The following PCBP3 variants were observed in gnomAD, a reference collection of about 807,000 sequenced individuals.
The protein encoded by PCBP3 is poly(rC) binding protein 3, also known as poly(rC)-binding protein 3.
Under a neutral mutation model 52.7 loss-of-function variants are expected in PCBP3, and 25 were observed. That is an observed-to-expected ratio of 0.47 (90% CI 0.35 to 0.66). The LOEUF is 0.66. PCBP3 is among the 30% of genes least tolerant of loss of function. The probability of loss-of-function intolerance (pLI) is 0.01; values close to 1 mark genes in which losing one functional copy is unlikely to be tolerated. For synonymous variants in PCBP3, 162 were observed against 183.0 expected (o/e 0.89, Z 0.93); for missense variants, 391 against 490.3 (o/e 0.80, Z 1.91).
intron 12 of PCBP3, chr21:45,914,252 C>G (rs1603501093): frequency 3.1e-6 from 2 of 649,922 alleles, no homozygotes; most frequent in Non-Finnish European, 5.0e-6. Context: ...TGTTCTCCCT[C>G]CCTGACCCGG....
At chr21:45,678,239 G>C (rs1432060379) in intron 2 of PCBP3, among the ~76,000 whole-genome samples, 1 of 151,648 alleles carries the variant, frequency 6.6e-6, no homozygotes, top group East Asian at 1.9e-4. Flanking sequence ...CTGGGAGGCG[G>C]AGCTTGCAGT....
At chr21:45,674,748 G>A (rs563142818) in intron 2 of PCBP3, among the ~76,000 whole-genome samples, 17 of 152,294 alleles carry the variant, frequency 1.1e-4, no homozygotes, top group African/African-American at 3.9e-4. Flanking sequence ...GATATTGAGA[G>A]AAGGTGTAGT....
At chr21:45,831,642 G>A (rs1196215667) in intron 4 of PCBP3, among the ~76,000 whole-genome samples, 3 of 152,156 alleles carry the variant, frequency 2.0e-5, no homozygotes, top group South Asian at 2.1e-4. Context: ...TCCAGACTCC[G>A]AGAGAGGGGT....
rs928940218 is a variant in PCBP3, at chr21:45,791,222, A to G, written c.-126+35770A>G. Among the ~76,000 whole-genome samples, 2 of 152,198 alleles carry G rather than the reference A, an allele frequency of 1.3e-5. No homozygotes were observed. Among genetic ancestry groups the G allele is most frequent in the African/African-American group, 4.8e-5 (2 of 41,442 alleles). On this transcript the variant is annotated intron_variant, in intron 4 of 17. Transcript: ENST00000681687. This position sits in a 1 kb window ranked among gnomAD's most constrained non-coding sequence, Gnocchi z 4.2. ...AGACAGGAATCGGTATGAGATATGC[A>G]TATTTATATGTTTTTGATGTACGAT...
intron 12 of PCBP3, chr21:45,915,349 T>C (rs1389584344): frequency 6.6e-6 from 1 of 152,268 alleles, no homozygotes; most frequent in African/African-American, 2.4e-5. Flanking sequence ...GAAGTCCCTG[T>C]GCAAAACTCC....
In PCBP3 at chr21:45,766,848, TTTTC is replaced by T. The variant is rs370949274; in HGVS notation, c.-126+11408_-126+11411del. On this transcript the variant is annotated intron_variant, in intron 4 of 17. Transcript: ENST00000681687. ...GTTAACTTGTGCATTATTTAGAGCT[TTTTC>T]TTTCTTTCTTTAAAAAAAGAAAAAA... Among the ~76,000 whole-genome samples the T allele has an allele frequency of 2.2e-4, 34 of 152,288 alleles. No individual in the cohort carries two copies. In the East Asian group the frequency reaches 5.8e-3, roughly 26 times the overall value.
rs563091628 is a variant in PCBP3 at position 45,644,217 on chromosome 21, G to A, written c.-279+349G>A. 4.6e-5 allele frequency among the ~76,000 whole-genome samples: 7 copies of A among 151,760 alleles called. No individual in the cohort carries two copies. The East Asian group carries it at 1.4e-3, about 29-fold the overall frequency. On this transcript the variant is annotated intron_variant, in intron 1 of 17. Transcript: ENST00000681687. ...TACTTGAGGCTTCAGTTTCAAAACG[G>A]CACAAATTTCATCTCTTGATTGAGA... is the stretch of plus-strand genomic sequence containing the variant.
Position 45,729,239 on chromosome 21 carries a change from T to A in PCBP3, c.-199-6153T>A, listed in dbSNP as rs538631455. ...GGTTCATCTGTAACACGTGCTGTAC[T>A]TCATTCCTTTTGATGTCTGCAGAAT... On this transcript the variant is annotated intron_variant, in intron 2 of 17. Coordinates refer to ENST00000681687, the MANE Select transcript of PCBP3 (RefSeq NM_001384156.1). 2.0e-3 allele frequency among the ~76,000 whole-genome samples: 300 copies of A among 152,312 alleles called. 1 individual carries two copies. The highest frequency in any genetic ancestry group is 3.4e-3 in the Non-Finnish European group (231 of 68,024).
chr21:45,895,388 C>T (rs1426465166), intron 5 of PCBP3, among the ~76,000 whole-genome samples: 6 of 152,122 alleles, frequency 3.9e-5, no homozygotes, highest in African/African-American at 1.4e-4. Context: ...CCAGCCCCCT[C>T]GGTGAGGTGT....
intron 4 of PCBP3, among the ~76,000 whole-genome samples, chr21:45,796,564 T>C (rs2146534950): frequency 6.6e-6 from 1 of 152,292 alleles, no homozygotes; most frequent in South Asian, 2.1e-4. Context: ...TTTTGTGTCT[T>C]CTAATTTCAT....
intron 4 of PCBP3, among the ~76,000 whole-genome samples, chr21:45,786,017 C>T (rs2091125204): frequency 6.7e-6 from 1 of 149,976 alleles, no homozygotes; most frequent in Non-Finnish European, 1.5e-5. Context: ...GGGTCCTCTG[C>T]CTAGGAAAAC....
intron 5 of PCBP3, chr21:45,894,041 G>A: frequency 1.0e-6 from 1 of 985,434 alleles, no homozygotes; most frequent in Non-Finnish European, 1.2e-6. Flanking sequence ...GAGAGCCAGA[G>A]AGTGGTTGAT....
At position 45,930,008 on chromosome 21, in the gene PCBP3, C is replaced by T. The variant is rs1437393740; in HGVS notation, c.796+13C>T. ...CCCGCTTTCCCCGGTACGTACCCAG[C>T]CCTTTTCTCACCTCCTTCTCTTCTC... On this transcript the variant is annotated intron_variant, in intron 14 of 17. Transcript: ENST00000681687. 1.3e-6 allele frequency: 2 copies of T among 1,595,294 alleles called. No individual in the cohort carries two copies. Among genetic ancestry groups the T allele is most frequent in the Non-Finnish European group, 1.7e-6 (2 of 1,163,060 alleles).
chr21:45,737,731 C>A lies in PCBP3; in HGVS notation c.-162+2302C>A, dbSNP rs775008500. Among the ~76,000 whole-genome samples the A allele has an allele frequency of 2.0e-5, 3 of 152,186 alleles. No homozygotes were observed. Among genetic ancestry groups the A allele is most frequent in the African/African-American group, 7.2e-5 (3 of 41,430 alleles). Reference sequence around the variant, plus strand: ...ACAGACAGGGAACTTTTATAGGTACCTGTGGCCTCTTCTGCTGGTGGGAAT... The same window carrying A: ...ACAGACAGGGAACTTTTATAGGTACATGTGGCCTCTTCTGCTGGTGGGAAT... On this transcript the variant is annotated intron_variant, in intron 3 of 17. Coordinates refer to ENST00000681687, the MANE Select transcript of PCBP3 (RefSeq NM_001384156.1). This position sits in a 1 kb window ranked among gnomAD's most constrained non-coding sequence, Gnocchi z 4.9.
chr21:45,780,294 G>A (rs1027251612), intron 4 of PCBP3, among the ~76,000 whole-genome samples: 3 of 152,170 alleles, frequency 2.0e-5, no homozygotes, highest in African/African-American at 7.2e-5. Context: ...AAAAATTTCT[G>A]CTCTTCAAGA....
chr21:45,813,826 T>C (rs2092751108), intron 4 of PCBP3, among the ~76,000 whole-genome samples: 1 of 152,256 alleles, frequency 6.6e-6, no homozygotes, highest in Non-Finnish European at 1.5e-5. Context: ...CATCTCTTTA[T>C]TTTTATGGAC....
intron 5 of PCBP3, among the ~76,000 whole-genome samples, chr21:45,863,513 G>T (rs936419517): frequency 1.3e-5 from 2 of 152,210 alleles, no homozygotes; most frequent in Non-Finnish European, 2.9e-5. Context: ...GCGCATGAGT[G>T]CTGGGTCCAC....
intron 1 of PCBP3, among the ~76,000 whole-genome samples, chr21:45,644,311 C>T (rs1450190698): frequency 5.3e-5 from 8 of 151,740 alleles, no homozygotes; most frequent in Non-Finnish European, 2.9e-5. Flanking sequence ...GCGGGGCCTC[C>T]TCCCCCTGGA....
chr21:45,875,295 G>A (rs923056367), intron 5 of PCBP3, among the ~76,000 whole-genome samples: 5 of 152,136 alleles, frequency 3.3e-5, no homozygotes, highest in African/African-American at 1.2e-4. Flanking sequence ...TCCGTGCTGC[G>A]TGCTGCGGCT....
Sources: allele counts gnomAD v4.1 joint callset (sites outside exome capture counted in the v4.1 genomes callset), GRCh38; gene constraint gnomAD v4.1.1; non-coding constraint Gnocchi (gnomAD v3.1); transcripts MANE v1.5; gene names NCBI Gene and HGNC (gene_info 2026-07-23, HGNC 2026-07-21).